The following CCSER1 variants were observed in gnomAD, a reference collection of about 807,000 sequenced individuals.
CCSER1 encodes coiled-coil serine rich protein 1.
CCSER1 carries 41 observed loss-of-function variants against 82.0 expected under a neutral mutation model. That is an observed-to-expected ratio of 0.50 (90% CI 0.39 to 0.65). CCSER1 has a LOEUF of 0.65. Ranked by LOEUF, CCSER1 falls within the 30% of genes least tolerant of loss-of-function variation. The pLI is 0.00. For missense variants in CCSER1, 1,119 were observed against 1,064.2 expected (o/e 1.05, Z -0.72); for synonymous variants, 414 against 383.9 (o/e 1.08, Z -0.92).
chr4:90,929,393 T>C (rs1325454126), intron 9 of CCSER1, among the ~76,000 whole-genome samples: 2 of 152,250 alleles, frequency 1.3e-5, no homozygotes, highest in African/African-American at 4.8e-5. Context: ...TAAAAATTAC[T>C]GCGTTATGCC....
intron 10 of CCSER1, among the ~76,000 whole-genome samples, chr4:91,248,747 GA>G (rs1740013427): frequency 6.6e-6 from 1 of 151,584 alleles, no homozygotes; most frequent in Non-Finnish European, 1.5e-5. Flanking sequence ...AGAAAAATAT[GA>G]AAAAAGATAT....
intron 10 of CCSER1, among the ~76,000 whole-genome samples, chr4:91,462,644 T>G (rs1756575587): frequency 6.6e-6 from 1 of 152,086 alleles, no homozygotes; most frequent in South Asian, 2.1e-4. Context: ...CTTGGAAAAT[T>G]GGGTCACTCC....
intron 5 of CCSER1, among the ~76,000 whole-genome samples, chr4:90,562,852 T>TAA (rs200689531): frequency 6.0e-4 from 82 of 137,292 alleles, no homozygotes; most frequent in East Asian, 5.6e-3. Flanking sequence ...TTTTTTTTTT[T>TAA]AAAAAAAAAA....
intron 10 of CCSER1, among the ~76,000 whole-genome samples, chr4:91,103,990 G>A (rs1396117272): frequency 3.9e-5 from 6 of 152,040 alleles, no homozygotes; most frequent in African/African-American, 1.5e-4. Context: ...GCATTCCTGG[G>A]GGGAGGTCTA....
chr4:90,427,832 A>G (rs765731136), intron 4 of CCSER1, among the ~76,000 whole-genome samples: 11 of 151,956 alleles, frequency 7.2e-5, no homozygotes, highest in Non-Finnish European at 1.5e-4. Context: ...GAATAAAGCA[A>G]AACTATACTC....
At chr4:90,796,430 AAAAAAC>A (rs1756049582) in intron 7 of CCSER1, among the ~76,000 whole-genome samples, 3 of 151,204 alleles carry the variant, frequency 2.0e-5, no homozygotes, top group Non-Finnish European at 4.4e-5. Context: ...AAAAAAAAAA[AAAAAAC>A]AGCTCTTGGA....
chr4:90,221,942 T>C (rs1307748269), intron 1 of CCSER1, among the ~76,000 whole-genome samples: 1 of 152,238 alleles, frequency 6.6e-6, no homozygotes, highest in South Asian at 2.1e-4. Context: ...GAAATATTTA[T>C]ACCTAAATAT....
intron 10 of CCSER1, among the ~76,000 whole-genome samples, chr4:91,500,148 G>A (rs887837495): frequency 2.6e-5 from 4 of 151,858 alleles, no homozygotes; most frequent in East Asian, 1.9e-4. Flanking sequence ...TGTTGTAGGC[G>A]TTTTGGATTT....
chr4:90,631,978 C>G (rs984176334), intron 6 of CCSER1, among the ~76,000 whole-genome samples: 11 of 152,166 alleles, frequency 7.2e-5, no homozygotes, highest in African/African-American at 2.6e-4. Flanking sequence ...ATTCTAAAGT[C>G]TGAAAAAATT....
chr4:91,374,602 A>C (rs1256517284), intron 10 of CCSER1, among the ~76,000 whole-genome samples: 1 of 152,242 alleles, frequency 6.6e-6, no homozygotes, highest in Non-Finnish European at 1.5e-5. Context: ...TATGATGGAA[A>C]TGAACAAGAA....
chr4:90,867,135 G>T (rs1261123311), intron 8 of CCSER1, among the ~76,000 whole-genome samples: 2 of 151,994 alleles, frequency 1.3e-5, no homozygotes, highest in Non-Finnish European at 2.9e-5. Context: ...ACAGTGTGCT[G>T]TATGCCATCC....
At chr4:91,089,318 T>C (rs1320115874) in intron 10 of CCSER1, among the ~76,000 whole-genome samples, 2 of 152,220 alleles carry the variant, frequency 1.3e-5, no homozygotes, top group African/African-American at 4.8e-5. Flanking sequence ...AGGTCATGGG[T>C]TGAATTTTAA....
chr4:90,706,812 T>C (rs1327240969), intron 6 of CCSER1, among the ~76,000 whole-genome samples: 1 of 152,242 alleles, frequency 6.6e-6, no homozygotes, highest in Non-Finnish European at 1.5e-5. Flanking sequence ...TAGCTTGTCC[T>C]GGGTATGTTT....
chr4:90,248,415 G>T (rs911337222), intron 1 of CCSER1, among the ~76,000 whole-genome samples: 1 of 152,104 alleles, frequency 6.6e-6, no homozygotes, highest in Non-Finnish European at 1.5e-5. Context: ...TCCTAAGTGG[G>T]TTTTGCTTTG....
chr4:91,581,465 A>G (rs1416415026), intron 10 of CCSER1, among the ~76,000 whole-genome samples: 1 of 151,650 alleles, frequency 6.6e-6, no homozygotes, highest in African/African-American at 2.4e-5. Flanking sequence ...TTCTTAACAG[A>G]GTGAAATGAA....
chr4:90,446,707 C>G (rs1376842468), intron 4 of CCSER1, among the ~76,000 whole-genome samples: 1 of 152,080 alleles, frequency 6.6e-6, no homozygotes, highest in Non-Finnish European at 1.5e-5. Context: ...TATGTGGGTC[C>G]ACTTGTGTAC....
At chr4:91,343,280 T>C (rs1747834900) in intron 10 of CCSER1, among the ~76,000 whole-genome samples, 1 of 152,126 alleles carries the variant, frequency 6.6e-6, no homozygotes, top group Non-Finnish European at 1.5e-5. Flanking sequence ...TTTTATTTAA[T>C]TGTATGATGC....
intron 5 of CCSER1, among the ~76,000 whole-genome samples, chr4:90,518,612 A>G (rs551751087): frequency 8.5e-5 from 13 of 152,098 alleles, no homozygotes; most frequent in Middle Eastern, 6.8e-3. Flanking sequence ...AGTGACTATA[A>G]TAAGTTCTGA....
chr4:90,661,560 A>G (rs2149097068), intron 6 of CCSER1, among the ~76,000 whole-genome samples: 1 of 152,326 alleles, frequency 6.6e-6, no homozygotes, highest in Non-Finnish European at 1.5e-5. Flanking sequence ...ATGCAGCGAA[A>G]TGTTTAACTA....
Sources: gnomAD v4.1 joint callset for allele counts (sites outside exome capture counted in the v4.1 genomes callset) on GRCh38, gnomAD v4.1.1 for gene constraint, MANE v1.5 for transcripts, NCBI Gene and HGNC (gene_info 2026-07-23, HGNC 2026-07-21) for gene names.